Variants in CNTN3 observed in about 807,000 individuals in gnomAD.
The protein encoded by CNTN3 is contactin 3.
A neutral mutation model predicts 119.1 loss-of-function variants in CNTN3; 60 were observed. That is an observed-to-expected ratio of 0.50 (90% CI 0.41 to 0.62). The LOEUF (loss-of-function observed/expected upper bound fraction) is 0.62. Ranked by LOEUF, CNTN3 falls within the 20% of genes least tolerant of loss-of-function variation. The pLI is 0.00. For missense variants in CNTN3, 1,101 were observed against 1,242.4 expected, an observed-to-expected ratio of 0.89 and a Z score of 1.71; for synonymous variants, 450 against 438.7, an observed-to-expected ratio of 1.03 and a Z score of -0.32.
chr3:74,371,304 A>G lies in CNTN3; in HGVS notation c.550T>C (p.Ser184Pro). 1 of 1,613,172 alleles carries G rather than the reference A, an allele frequency of 6.2e-7. No individual in the cohort carries two copies. Residue 184 changes from serine (S) to proline (P), a missense_variant, in exon 6 of 23, where the codon TCT becomes CCT. Transcript: ENST00000263665. ...CCCACATCAGACGGCTCCACCTTAG[A>G]TATGTAGAGGTGCCCTGTCTCCTGG... ...VSQETGHLYI[S>P]KVEPSDVGNY...
At chr3:74,570,518 GA>G (rs1234006496) in intron 1 of CNTN3, among the ~76,000 whole-genome samples, 7 of 107,466 alleles carry the variant, frequency 6.5e-5, no homozygotes, top group East Asian at 2.6e-4. Flanking sequence ...CACAAAAGAA[GA>G]AAAAAAAAGA....
intron 1 of CNTN3, among the ~76,000 whole-genome samples, chr3:74,546,969 CTTTTT>C (rs369972673): frequency 1.2e-4 from 18 of 152,234 alleles, no homozygotes; most frequent in African/African-American, 4.3e-4. Context: ...GCAAAATTAA[CTTTTT>C]ATTTTATGAC....
intron 1 of CNTN3, among the ~76,000 whole-genome samples, chr3:74,587,365 G>A (rs1332680041): frequency 6.6e-6 from 1 of 152,046 alleles, no homozygotes; most frequent in Non-Finnish European, 1.5e-5. Flanking sequence ...GAGGAGAAGT[G>A]ATTTGTGTCT....
chr3:74,506,782 CTTA>C (rs1435031645), intron 2 of CNTN3, among the ~76,000 whole-genome samples: 1 of 150,078 alleles, frequency 6.7e-6, no homozygotes, highest in African/African-American at 2.4e-5. Flanking sequence ...TTCTATTATA[CTTA>C]TTGTACATTT....
intron 5 of CNTN3, among the ~76,000 whole-genome samples, chr3:74,374,037 T>C (rs1704409011): frequency 6.6e-6 from 1 of 152,126 alleles, no homozygotes; most frequent in Middle Eastern, 3.2e-3. Flanking sequence ...CTCCCTGCGC[T>C]GCTCCTAGTA....
At chr3:74,612,271 T>G (rs1276351792) in intron 1 of CNTN3, among the ~76,000 whole-genome samples, 1 of 152,120 alleles carries the variant, frequency 6.6e-6, no homozygotes, top group African/African-American at 2.4e-5. Context: ...ATATATGAAA[T>G]GTGACAGTGA....
chr3:74,453,863 G>A (rs184000356), intron 4 of CNTN3, among the ~76,000 whole-genome samples: 1 of 152,230 alleles, frequency 6.6e-6, no homozygotes, highest in Non-Finnish European at 1.5e-5. Context: ...TAGTTTGATT[G>A]CACTGTGGTC....
At chr3:74,473,198 G>T (rs1702596655) in intron 4 of CNTN3, among the ~76,000 whole-genome samples, 1 of 150,994 alleles carries the variant, frequency 6.6e-6, no homozygotes, top group Admixed American at 6.6e-5. Context: ...AAAAAACAGG[G>T]AAAGAAAAGG....
intron 1 of CNTN3, among the ~76,000 whole-genome samples, chr3:74,589,630 T>C (rs1369368241): frequency 4.8e-5 from 7 of 145,682 alleles, no homozygotes; most frequent in Admixed American, 2.8e-4. Flanking sequence ...GGACTATAAA[T>C]CATGCTGCTA....
chr3:74,307,045 T>C (rs545827312), intron 13 of CNTN3, among the ~76,000 whole-genome samples: 64 of 152,244 alleles, frequency 4.2e-4, no homozygotes, highest in African/African-American at 1.5e-3. Flanking sequence ...ATTTAACATA[T>C]GAGCAGAAGT....
chr3:74,529,064 A>G (rs1357054203), intron 1 of CNTN3, among the ~76,000 whole-genome samples: 1 of 151,940 alleles, frequency 6.6e-6, no homozygotes. Context: ...ACATATATTT[A>G]TAACTATACA....
intron 13 of CNTN3, among the ~76,000 whole-genome samples, chr3:74,314,521 T>C (rs375750384): frequency 6.6e-6 from 1 of 152,170 alleles, no homozygotes; most frequent in African/African-American, 2.4e-5. Flanking sequence ...ATTTCAAATA[T>C]AGCAGAATTC....
chr3:74,542,201 C>T lies in CNTN3; in HGVS notation c.-80-21009G>A, dbSNP rs539662967. 2.0e-5 allele frequency among the ~76,000 whole-genome samples: 3 copies of T among 152,238 alleles called. No individual in the cohort carries two copies. The East Asian group carries it at 5.8e-4, about 29-fold the overall frequency. On this transcript the variant is annotated intron_variant, in intron 1 of 22. Coordinates refer to ENST00000263665, the MANE Select transcript of CNTN3 (RefSeq NM_020872.3). ...AGTGAGCTCATTGCACCACTGCACT[C>T]TAGTCTGGGTAATGAAAAATAAAAT...
intron 4 of CNTN3, among the ~76,000 whole-genome samples, chr3:74,462,734 T>A (rs1181615963): frequency 6.6e-6 from 1 of 152,116 alleles, no homozygotes; most frequent in Non-Finnish European, 1.5e-5. Flanking sequence ...AATGGTTATA[T>A]CCTATGTTAT....
intron 5 of CNTN3, among the ~76,000 whole-genome samples, chr3:74,372,665 G>A (rs142401661): frequency 2.2e-4 from 34 of 151,990 alleles, no homozygotes; most frequent in African/African-American, 8.0e-4. Context: ...ATATTTAAGA[G>A]ATAATTCCTA....
intron 20 of CNTN3, among the ~76,000 whole-genome samples, chr3:74,284,736 G>A (rs1013249794): frequency 7.2e-5 from 11 of 152,154 alleles, no homozygotes; most frequent in African/African-American, 2.7e-4. Flanking sequence ...ACTCATGATT[G>A]CAGCTGGCGA....
intron 11 of CNTN3, among the ~76,000 whole-genome samples, chr3:74,341,617 G>C (rs1703549007): frequency 6.6e-6 from 1 of 152,006 alleles, no homozygotes; most frequent in African/African-American, 2.4e-5. Context: ...GCAGTCTATG[G>C]TTAGTTTGGG....
intron 1 of CNTN3, among the ~76,000 whole-genome samples, chr3:74,546,411 G>T (rs1157537821): frequency 6.6e-6 from 1 of 152,160 alleles, no homozygotes; most frequent in African/African-American, 2.4e-5. Context: ...GTTGCCAAAG[G>T]AGATTAACAT....
At chr3:74,471,277 G>A (rs528451081) in intron 4 of CNTN3, among the ~76,000 whole-genome samples, 1 of 152,122 alleles carries the variant, frequency 6.6e-6, no homozygotes, top group South Asian at 2.1e-4. Context: ...AAACCACCAT[G>A]GCACGTGTAT....
Sources: allele counts gnomAD v4.1 joint callset (sites outside exome capture counted in the v4.1 genomes callset), GRCh38; gene constraint gnomAD v4.1.1; transcripts MANE v1.5; gene names NCBI Gene and HGNC (gene_info 2026-07-23, HGNC 2026-07-21).